Variants in PDE6A observed in about 807,000 individuals in gnomAD.
PDE6A encodes rod cGMP-specific 3',5'-cyclic phosphodiesterase subunit alpha.
PDE6A carries 84 observed loss-of-function variants against 106.3 expected under a neutral mutation model. The ratio of observed to expected loss-of-function variants is 0.79; its 90% CI spans 0.66 to 0.95. The LOEUF is 0.95. Ranked by LOEUF, PDE6A falls within the 40% of genes least tolerant of loss-of-function variation. PDE6A has a pLI of 0.00. For missense variants in PDE6A, 1,052 were observed against 1,084.9 expected (o/e 0.97, Z 0.43); for synonymous variants, 394 against 386.6 (o/e 1.02, Z -0.23).
In PDE6A at chr5:149,944,735, T is replaced by G; in HGVS notation, c.-62A>C. On this transcript the variant is annotated 5_prime_UTR_variant, in exon 1 of 22. Transcript: ENST00000255266. The stretch of plus-strand genomic sequence containing the variant: ...GGGACGGAGGCCTTCCAATGGCAGT[T>G]TTGCAGTCTGCAACAAGTCCAGTCT... 1 of 1,376,082 alleles carries G rather than the reference T, an allele frequency of 7.3e-7. No individual in the cohort carries two copies. Among genetic ancestry groups the G allele is most frequent in the Non-Finnish European group, 1.0e-6 (1 of 993,096 alleles). 85.2% of individuals were successfully genotyped at this position (1,376,082 alleles called of 1,614,324 possible).
At chr5:149,877,559 AC>A (rs1468462968) in intron 17 of PDE6A, among the ~76,000 whole-genome samples, 18 of 152,024 alleles carry the variant, frequency 1.2e-4, no homozygotes, top group African/African-American at 4.3e-4. Context: ...ACAGGCACGC[AC>A]CACAATGCCT....
At chr5:149,883,114 T>C (rs909632466) in intron 17 of PDE6A, among the ~76,000 whole-genome samples, 6 of 152,172 alleles carry the variant, frequency 3.9e-5, no homozygotes, top group African/African-American at 7.2e-5. Flanking sequence ...CTTTCCGTTG[T>C]ATCAAAAACT....
intron 6 of PDE6A, among the ~76,000 whole-genome samples, chr5:149,913,382 A>T (rs112910729): frequency 1.1e-3 from 20 of 17,922 alleles, no homozygotes; most frequent in African/African-American, 3.8e-3. Context: ...ACTCCATCTT[A>T]AAAAAAAAAA....
intron 13 of PDE6A, among the ~76,000 whole-genome samples, chr5:149,888,610 A>T (rs1192779105): frequency 6.6e-6 from 1 of 151,412 alleles, no homozygotes; most frequent in African/African-American, 2.4e-5. Context: ...AGATATGAGG[A>T]TGTTTTATTT....
intron 1 of PDE6A, among the ~76,000 whole-genome samples, chr5:149,942,742 G>A (rs1449235540): frequency 6.6e-6 from 1 of 151,918 alleles, no homozygotes; most frequent in Non-Finnish European, 1.5e-5. Context: ...GAAAACATGT[G>A]AGCAAAGGTC....
chr5:149,929,278 G>T (rs77487807), intron 4 of PDE6A, among the ~76,000 whole-genome samples: 198 of 152,182 alleles, frequency 1.3e-3, no homozygotes, highest in African/African-American at 4.3e-3. Flanking sequence ...AATTCCACAG[G>T]AATAAAAATG....
chr5:149,874,912 C>T (rs1337472961), intron 17 of PDE6A, among the ~76,000 whole-genome samples: 12 of 152,134 alleles, frequency 7.9e-5, no homozygotes, highest in African/African-American at 2.9e-4. Flanking sequence ...GCTCAGCCCC[C>T]ATGATGGTCC....
At chr5:149,890,963 G>C (rs1434377920) in intron 13 of PDE6A, among the ~76,000 whole-genome samples, 2 of 152,162 alleles carry the variant, frequency 1.3e-5, no homozygotes, top group African/African-American at 2.4e-5. Flanking sequence ...TTAATAAACA[G>C]TGCTATGCAC....
chr5:149,903,647 C>A lies in PDE6A; in HGVS notation c.1113+1G>T, dbSNP rs372346866. On this transcript the variant is annotated splice_donor_variant, in intron 8 of 21. Transcript: ENST00000255266. LOFTEE classifies it high-confidence loss of function. ...AAGACTGCAAATAAAAAATGACTTA[C>A]CTGAAATGCAAAAAAGTCCTCCGCA... 3 of 1,612,062 alleles carry A rather than the reference C, an allele frequency of 1.9e-6. No individual in the cohort carries two copies. The highest frequency in any genetic ancestry group is 2.5e-6 in the Non-Finnish European group (3 of 1,178,214).
chr5:149,927,912 G>A (rs1218643669), intron 4 of PDE6A, among the ~76,000 whole-genome samples: 3 of 151,298 alleles, frequency 2.0e-5, no homozygotes, highest in Non-Finnish European at 4.4e-5. Flanking sequence ...ACAGGGTCAG[G>A]ATCATCAATA....
chr5:149,896,689 G>T (rs748822646), intron 11 of PDE6A, 22 bp downstream of exon 11: 24 of 1,613,892 alleles, frequency 1.5e-5, no homozygotes, highest in Non-Finnish European at 1.9e-5. Context: ...ATCGGGGCTC[G>T]TGCTGCCCCG....
intron 6 of PDE6A, among the ~76,000 whole-genome samples, chr5:149,911,906 C>A (rs1307427481): frequency 6.7e-6 from 1 of 150,156 alleles, no homozygotes; most frequent in African/African-American, 2.5e-5. Context: ...GTAATCCCAG[C>A]ACTTTGGGAG....
At position 149,863,995 on chromosome 5, in the gene PDE6A, TC is replaced by T. The variant is rs1429156200; in HGVS notation, c.2359-730del. On this transcript the variant is annotated intron_variant, in intron 20 of 21. Transcript: ENST00000255266. This position sits in a 1 kb window ranked among gnomAD's most constrained non-coding sequence, Gnocchi z 4.7. ...TTGAGGCCTCCACTTATATGTCACT[TC>T]CTCCAAGAAGCCTCTTCTGGCCCCC... Among the ~76,000 whole-genome samples, 3 of 152,058 alleles carry T rather than the reference TC, an allele frequency of 2.0e-5. No individual in the cohort carries two copies. The highest frequency in any genetic ancestry group is 2.9e-5 in the Non-Finnish European group (2 of 68,004).
chr5:149,871,153 G>C (rs1581153048), intron 17 of PDE6A, among the ~76,000 whole-genome samples: 1 of 152,058 alleles, frequency 6.6e-6, no homozygotes, highest in East Asian at 1.9e-4. Context: ...GTCTTTGTGG[G>C]GTGCTGAGGT....
chr5:149,867,739 G>A lies in PDE6A; in HGVS notation c.2260C>T (p.Gln754Ter). 6.2e-7 allele frequency: 1 copy of A among 1,613,840 alleles called. No homozygotes were observed. Among genetic ancestry groups the A allele is most frequent in the East Asian group, 2.2e-5 (1 of 44,862 alleles). ...TGTCTACTCACAATGGGATTCTGTT[G>A]CAGCACCGTGCGCTCCAGGTCACCT... ...EQGDLERTVLQQNPIPMMDRN... is the reference protein window; with the variant it reads ...EQGDLERTVL The change falls in exon 19 of 22, where the codon CAA (glutamine) becomes TAA (stop). Residue 754 changes from glutamine (Q) to a stop codon, truncating the protein, a stop_gained. Coordinates refer to ENST00000255266, the MANE Select transcript of PDE6A (RefSeq NM_000440.3). LOFTEE classifies it high-confidence loss of function.
intron 6 of PDE6A, 84 bp downstream of exon 6, chr5:149,914,859 C>T: frequency 3.3e-6 from 3 of 911,604 alleles, no homozygotes; most frequent in Middle Eastern, 2.2e-4. Flanking sequence ...TGAAGTGTTG[C>T]CCAATTCCAG....
At chr5:149,914,052 G>A (rs1379608327) in intron 6 of PDE6A, among the ~76,000 whole-genome samples, 2 of 152,162 alleles carry the variant, frequency 1.3e-5, no homozygotes, top group Admixed American at 6.5e-5. Flanking sequence ...TCAAGTACCA[G>A]AAGAGTAGCA....
intron 14 of PDE6A, 115 bp downstream of exon 14, chr5:149,886,150 G>A (rs982064316): frequency 9.1e-6 from 7 of 767,678 alleles, no homozygotes; most frequent in Middle Eastern, 2.3e-4. Context: ...GGCAGAAGGC[G>A]GTGGGAAGCT....
intron 19 of PDE6A, chr5:149,866,560 A>T (rs1425462914): frequency 3.0e-6 from 1 of 337,426 alleles, no homozygotes; most frequent in Non-Finnish European, 5.5e-6. Context: ...AAGAGACTTA[A>T]GAGACATTAA....
Sources: allele counts gnomAD v4.1 joint callset (sites outside exome capture counted in the v4.1 genomes callset), GRCh38; gene constraint gnomAD v4.1.1; non-coding constraint Gnocchi (gnomAD v3.1); transcripts MANE v1.5; gene names NCBI Gene and HGNC (gene_info 2026-07-23, HGNC 2026-07-21).